REEP1: variants seen among roughly 807,000 people sequenced by gnomAD.
The protein encoded by REEP1 is receptor expression-enhancing protein 1.
A neutral mutation model predicts 40.3 loss-of-function variants in REEP1; 22 were observed. The observed-to-expected ratio is 0.55, with a 90% CI of 0.39 to 0.78. The LOEUF is 0.78. REEP1 is among the 30% of genes least tolerant of loss of function. REEP1 has a pLI of 0.00. For synonymous variants in REEP1, 116 were observed against 139.2 expected, an observed-to-expected ratio of 0.83 and a Z score of 1.17; for missense variants, 280 against 361.1, an observed-to-expected ratio of 0.78 and a Z score of 1.82.
At chr2:86,302,190 G>A (rs547299283) in intron 1 of REEP1, among the ~76,000 whole-genome samples, 11 of 152,316 alleles carry the variant, frequency 7.2e-5, no homozygotes, top group South Asian at 2.1e-4. Flanking sequence ...CCAGACTCCA[G>A]CCTGGAAAAG....
At chr2:86,303,974 G>T (rs1679371640) in intron 1 of REEP1, among the ~76,000 whole-genome samples, 1 of 152,066 alleles carries the variant, frequency 6.6e-6, no homozygotes, top group African/African-American at 2.4e-5. Flanking sequence ...TGGCTAGGCT[G>T]GTGACTGAAA....
chr2:86,314,885 G>A lies in REEP1; in HGVS notation c.32+22594C>T, dbSNP rs115695137. ...TTTTTCTATTTTTTCTAGAGATGAG[G>A]TCTCACTGTGTTGCCCAGCCTGGTC... On this transcript the variant is annotated intron_variant, in intron 1 of 8. Coordinates refer to ENST00000538924, the MANE Select transcript of REEP1 (RefSeq NM_001371279.1). Among the ~76,000 whole-genome samples the A allele has an allele frequency of 3.6e-3, 544 of 151,688 alleles. 4 individuals carry two copies. The highest frequency in any genetic ancestry group is 0.012 in the African/African-American group (492 of 41,402).
At chr2:86,325,398 C>T (rs1368594878) in intron 1 of REEP1, among the ~76,000 whole-genome samples, 1 of 152,182 alleles carries the variant, frequency 6.6e-6, no homozygotes, top group Non-Finnish European at 1.5e-5. Flanking sequence ...TGAGTAATGG[C>T]CTGCAAAGAT....
In REEP1 at chr2:86,272,048, C is replaced by A. The variant is rs148004858; in HGVS notation, c.106-8007G>T. ...GACTAGCCTGACCAACATGGTGAAA[C>A]CCCGTCTCTGCTAAAAATACAAAAA... On this transcript the variant is annotated intron_variant, in intron 2 of 8. Transcript: ENST00000538924. 9.9e-3 allele frequency among the ~76,000 whole-genome samples: 1,509 copies of A among 152,254 alleles called. 36 individuals are homozygous for A. Among genetic ancestry groups the A allele is most frequent in the African/African-American group, 0.034 (1,403 of 41,526 alleles).
chr2:86,317,930 G>A (rs991641880), intron 1 of REEP1, among the ~76,000 whole-genome samples: 1 of 152,112 alleles, frequency 6.6e-6, no homozygotes, highest in Non-Finnish European at 1.5e-5. Context: ...ATTCAGACCT[G>A]GGTATCTTGT....
chr2:86,292,030 T>C (rs987310273), intron 1 of REEP1, among the ~76,000 whole-genome samples: 5 of 152,228 alleles, frequency 3.3e-5, no homozygotes, highest in Non-Finnish European at 7.3e-5. Flanking sequence ...GTCTTAATTG[T>C]AGAGATTCCT....
chr2:86,280,081 G>T (rs1168148465), intron 2 of REEP1: 1 of 456,080 alleles, frequency 2.2e-6, no homozygotes, highest in South Asian at 1.6e-5. Flanking sequence ...ACTGGGTGGG[G>T]CGTGGGTGTG....
chr2:86,331,537 G>T (rs1444247899), intron 1 of REEP1, among the ~76,000 whole-genome samples: 2 of 152,020 alleles, frequency 1.3e-5, no homozygotes, highest in African/African-American at 2.4e-5. Flanking sequence ...AAGGTGGGGG[G>T]GCGGGGAATG....
Position 86,242,503 on chromosome 2 carries a change from T to C in REEP1, c.417+9454A>G, listed in dbSNP as rs188455391. The stretch of plus-strand genomic sequence containing the variant: ...AGGAGGCTTCATGGAGGAGACGGCA[T>C]TAACCTGGAGGAGATGGCATTAACC... On this transcript the variant is annotated intron_variant, in intron 5 of 8. Coordinates refer to ENST00000538924, the MANE Select transcript of REEP1 (RefSeq NM_001371279.1). Among the ~76,000 whole-genome samples, 250 of 66,022 alleles carry C rather than the reference T, an allele frequency of 3.8e-3. 1 individual carries two copies. Among genetic ancestry groups the C allele is most frequent in the African/African-American group, 7.1e-3 (238 of 33,642 alleles). 43.3% of individuals were successfully genotyped at this position (66,022 alleles called of 152,430 possible).
At position 86,245,610 on chromosome 2, in the gene REEP1, C is replaced by T. The variant is rs370303686; in HGVS notation, c.417+6347G>A. On this transcript the variant is annotated intron_variant, in intron 5 of 8. Transcript: ENST00000538924. ...TGTACTCAATAAATAGTGTGGAGAC[C>T]AGAACTCTGGGCCTTTTGCAGCCTC... 8.5e-5 allele frequency among the ~76,000 whole-genome samples: 13 copies of T among 152,156 alleles called. No homozygotes were observed. In the East Asian group the frequency reaches 1.7e-3, roughly 20 times the overall value.
intron 1 of REEP1, among the ~76,000 whole-genome samples, chr2:86,311,489 G>C (rs1679762387): frequency 6.6e-6 from 1 of 152,074 alleles, no homozygotes; most frequent in Non-Finnish European, 1.5e-5. Flanking sequence ...AGGATCTAGG[G>C]GAGGATTTTC....
In REEP1 at chr2:86,337,454, G is replaced by A. The variant is rs1201666272; in HGVS notation, c.32+25C>T. The A allele has an allele frequency of 8.0e-7, 1 of 1,254,936 alleles. No homozygotes were observed. The highest frequency in any genetic ancestry group is 4.0e-5 in the Admixed American group (1 of 25,118). 77.7% of individuals were successfully genotyped at this position (1,254,936 alleles called of 1,614,324 possible). A position where few individuals can be genotyped will look rare whatever the true frequency, so the allele number is the denominator to read the frequency against. On this transcript the variant is annotated intron_variant, in intron 1 of 8. Coordinates refer to ENST00000538924, the MANE Select transcript of REEP1 (RefSeq NM_001371279.1). The surrounding 1 kb of genome is among the most constrained non-coding windows in gnomAD (Gnocchi z 5.8). ...GGGGGCGGGGAGGGAGGGGACGGAG[G>A]GGCGCGGGGGAGAAGGCCACTTACA...
intron 1 of REEP1, among the ~76,000 whole-genome samples, chr2:86,323,518 C>T (rs868629122): frequency 2.6e-5 from 4 of 152,134 alleles, no homozygotes; most frequent in South Asian, 2.1e-4. Flanking sequence ...CATGGGAGCA[C>T]GAATCCTATT....
chr2:86,317,411 G>C (rs550655110), intron 1 of REEP1, among the ~76,000 whole-genome samples: 1 of 152,158 alleles, frequency 6.6e-6, no homozygotes, highest in African/African-American at 2.4e-5. Context: ...GTGATTCTCT[G>C]TATCATCTAC....
intron 1 of REEP1, among the ~76,000 whole-genome samples, chr2:86,282,525 G>T (rs762157222): frequency 8.6e-5 from 13 of 151,956 alleles, no homozygotes; most frequent in Non-Finnish European, 1.8e-4. Context: ...GGATGTGAAG[G>T]CACCAAGACC....
intron 1 of REEP1, among the ~76,000 whole-genome samples, chr2:86,323,143 C>T (rs988603436): frequency 6.6e-6 from 1 of 152,014 alleles, no homozygotes; most frequent in Non-Finnish European, 1.5e-5. Flanking sequence ...GTCAAGACTG[C>T]AGTGTGCCAT....
chr2:86,275,641 C>T (rs1677719308), intron 2 of REEP1, among the ~76,000 whole-genome samples: 1 of 152,210 alleles, frequency 6.6e-6, no homozygotes, highest in Admixed American at 6.5e-5. Context: ...CTTGCCTTAC[C>T]TTTCTCACAG....
chr2:86,302,551 C>T (rs1679298500), intron 1 of REEP1, among the ~76,000 whole-genome samples: 1 of 152,110 alleles, frequency 6.6e-6, no homozygotes, highest in South Asian at 2.1e-4. Context: ...CAGAGGCAAA[C>T]AAAGATTAAC....
rs145345731 is a variant in REEP1, at chr2:86,318,693, C to T, written c.32+18786G>A. 6.0e-4 allele frequency among the ~76,000 whole-genome samples: 92 copies of T among 152,138 alleles called. 1 individual carries two copies. The East Asian group carries it at 0.011, about 18-fold the overall frequency. The stretch of plus-strand genomic sequence containing the variant: ...GATTACAGGCGTGAGCCACTGCACC[C>T]GGCCGAGACCAACAAGTTTGAGAAC... On this transcript the variant is annotated intron_variant, in intron 1 of 8. Coordinates refer to ENST00000538924, the MANE Select transcript of REEP1 (RefSeq NM_001371279.1).
Sources: allele counts gnomAD v4.1 joint callset (sites outside exome capture counted in the v4.1 genomes callset), GRCh38; gene constraint gnomAD v4.1.1; non-coding constraint Gnocchi (gnomAD v3.1); transcripts MANE v1.5; gene names NCBI Gene and HGNC (gene_info 2026-07-23, HGNC 2026-07-21).